BAZ2B: variants seen among roughly 807,000 people sequenced by gnomAD.
BAZ2B encodes bromodomain adjacent to zinc finger domain protein 2B.
BAZ2B carries 91 observed loss-of-function variants against 246.0 expected under a neutral mutation model. The ratio of observed to expected loss-of-function variants is 0.37; its 90% CI spans 0.31 to 0.44. The LOEUF is 0.44. Among genes scored for constraint, BAZ2B ranks in the 20% least tolerant of loss-of-function variants. The pLI is 1.00. For synonymous variants in BAZ2B, 855 were observed against 860.0 expected (o/e 0.99, Z 0.10); for missense variants, 2,332 against 2,533.7 (o/e 0.92, Z 1.71).
chr2:159,568,761 A>C lies in BAZ2B; in HGVS notation c.-45-12896T>G, dbSNP rs1683232757. On this transcript the variant is annotated intron_variant, in intron 1 of 36. Coordinates refer to ENST00000392783, the MANE Select transcript of BAZ2B (RefSeq NM_013450.4). ...ATTAATCAGATTCAATTAGTAGCTA[A>C]AGTGAAAATAACACTTCTGAGTTTC... is the stretch of plus-strand genomic sequence containing the variant. Among the ~76,000 whole-genome samples, 3 of 152,216 alleles carry C rather than the reference A, an allele frequency of 2.0e-5. No homozygotes were observed. In the South Asian group the frequency reaches 6.2e-4, roughly 31 times the overall value.
At chr2:159,487,700 A>G (rs1028834647) in intron 2 of BAZ2B, among the ~76,000 whole-genome samples, 1 of 152,118 alleles carries the variant, frequency 6.6e-6, no homozygotes, top group Non-Finnish European at 1.5e-5. Flanking sequence ...TCCCTTTCCA[A>G]GTTTCAACAA....
intron 13 of BAZ2B, among the ~76,000 whole-genome samples, chr2:159,421,725 G>A (rs1264345060): frequency 1.3e-5 from 2 of 151,866 alleles, no homozygotes; most frequent in Non-Finnish European, 2.9e-5. Flanking sequence ...ATCAAAAAAT[G>A]ATTAAGCAAA....
chr2:159,629,185 G>C, the BAZ2B span, among the ~76,000 whole-genome samples: 1 of 152,152 alleles, frequency 6.6e-6, no homozygotes, highest in Non-Finnish European at 1.5e-5. Flanking sequence ...CAGATGCTGG[G>C]GAGAATGTAG....
chr2:159,591,090 T>C (rs1689291626), intron 1 of BAZ2B, among the ~76,000 whole-genome samples: 1 of 152,180 alleles, frequency 6.6e-6, no homozygotes, highest in African/African-American at 2.4e-5. Context: ...TGACATGAAA[T>C]AATATCAAAT....
At chr2:159,338,703 A>G (rs4665060) in intron 31 of BAZ2B, among the ~76,000 whole-genome samples, 140,476 of 152,204 alleles carry the variant, frequency 0.92, 65,910 homozygotes, top group East Asian at 1. Flanking sequence ...CACAAACATG[A>G]GATAAGCTTT....
intron 1 of BAZ2B, among the ~76,000 whole-genome samples, chr2:159,585,940 CT>C: frequency 6.6e-6 from 1 of 152,156 alleles, no homozygotes; most frequent in East Asian, 1.9e-4. Flanking sequence ...TGACTTTTTT[CT>C]TTACATGTCT....
intron 3 of BAZ2B, among the ~76,000 whole-genome samples, chr2:159,477,328 T>A (rs555372854): frequency 5.5e-4 from 83 of 151,566 alleles, no homozygotes; most frequent in African/African-American, 8.9e-4. Flanking sequence ...AATTAAAAAA[T>A]ATATATATAT....
the BAZ2B span, among the ~76,000 whole-genome samples, chr2:159,640,116 A>T: frequency 6.6e-6 from 1 of 152,194 alleles, no homozygotes; most frequent in Non-Finnish European, 1.5e-5. Context: ...ACAGAAGTTC[A>T]TTACATAATC....
rs1577037028 is a variant in BAZ2B, at chr2:159,438,202, A to C, written c.1293+101T>G. Reference sequence around the variant, plus strand: ...TCCTGGAGACTAAGAAAGTATAAAAATGAAGGTAGAATTTAACTTAAACTT... The same window carrying C: ...TCCTGGAGACTAAGAAAGTATAAAACTGAAGGTAGAATTTAACTTAAACTT... On this transcript the variant is annotated intron_variant, in intron 8 of 36. Transcript: ENST00000392783. The C allele has an allele frequency of 5.5e-6, 6 of 1,095,246 alleles. No individual in the cohort carries two copies. The East Asian group carries it at 1.5e-4, about 28-fold the overall frequency. The allele number at this position is 1,095,246 out of a possible 1,614,324, so 67.8% of individuals were successfully genotyped here.
intron 3 of BAZ2B, chr2:159,461,624 A>G (rs1254054527): frequency 1.3e-5 from 2 of 152,630 alleles, no homozygotes; most frequent in Admixed American, 6.5e-5. Context: ...TTTATACTCT[A>G]TATCCACAGT....
chr2:159,368,672 A>G (rs972129315), intron 27 of BAZ2B, among the ~76,000 whole-genome samples: 2 of 152,172 alleles, frequency 1.3e-5, no homozygotes, highest in Non-Finnish European at 2.9e-5. Flanking sequence ...CTATTTATAT[A>G]TCACTTTGCA....
In BAZ2B at chr2:159,404,841, A is replaced by G; in HGVS notation, c.2832+8T>C. On this transcript the variant is annotated splice_region_variant and intron_variant, in intron 16 of 36. Coordinates refer to ENST00000392783, the MANE Select transcript of BAZ2B (RefSeq NM_013450.4). ...ATTTTAAAAGTCACTTCCAATGTAT[A>G]CACATACCTGCTGTTTCATAATCTT... 3.7e-6 allele frequency: 6 copies of G among 1,609,984 alleles called. No homozygotes were observed. Among genetic ancestry groups the G allele is most frequent in the Non-Finnish European group, 5.1e-6 (6 of 1,177,954 alleles).
chr2:159,367,507 A>T (rs2060343215), intron 27 of BAZ2B, among the ~76,000 whole-genome samples: 1 of 152,190 alleles, frequency 6.6e-6, no homozygotes, highest in African/African-American at 2.4e-5. Flanking sequence ...TATTATAAGA[A>T]TTTTTTAAAA....
the BAZ2B span, among the ~76,000 whole-genome samples, chr2:159,658,206 TTGA>T: frequency 5.9e-5 from 9 of 152,250 alleles, no homozygotes; most frequent in African/African-American, 2.2e-4. Context: ...CTTTAGCCAG[TTGA>T]TGTCATGAAT....
At chr2:159,354,641 G>A (rs930706914) in intron 27 of BAZ2B, among the ~76,000 whole-genome samples, 6 of 152,076 alleles carry the variant, frequency 3.9e-5, no homozygotes, top group South Asian at 2.1e-4. Flanking sequence ...GTGAGCCACC[G>A]CCTCTGGCTG....
At chr2:159,528,415 G>A (rs976335052) in intron 2 of BAZ2B, among the ~76,000 whole-genome samples, 1 of 152,188 alleles carries the variant, frequency 6.6e-6, no homozygotes, top group African/African-American at 2.4e-5. Context: ...AGGTGCAGTG[G>A]CTCATGCCTA....
Position 159,404,199 on chromosome 2 carries a change from A to T in BAZ2B, c.2832+650T>A, listed in dbSNP as rs76315362. 3.0e-4 allele frequency among the ~76,000 whole-genome samples: 45 copies of T among 152,290 alleles called. No individual in the cohort carries two copies. In the East Asian group the frequency reaches 7.9e-3, roughly 27 times the overall value. On this transcript the variant is annotated intron_variant, in intron 16 of 36. Transcript: ENST00000392783. ...CATGAATATGAGGAGATGGGAGAGT[A>T]GTTTACACATTCTCATCTTAAATGA...
chr2:159,462,446 T>A lies in BAZ2B; in HGVS notation c.146-8645A>T, dbSNP rs1038046365. On this transcript the variant is annotated intron_variant, in intron 3 of 36. Transcript: ENST00000392783. ...TTGTAGCTGAGTAATCTTGTTCCAGTCAATTTTGGTGCGGGTAACCGGAAG... is the reference window on the plus strand; with the variant it reads ...TTGTAGCTGAGTAATCTTGTTCCAGACAATTTTGGTGCGGGTAACCGGAAG... The A allele has an allele frequency of 2.5e-6, 3 of 1,217,112 alleles. No individual in the cohort carries two copies. The African/African-American group carries it at 4.5e-5, about 18-fold the overall frequency. The allele number at this position is 1,217,112 out of a possible 1,614,324, so 75.4% of individuals were successfully genotyped here. A position where few individuals can be genotyped will look rare whatever the true frequency, so the allele number is the denominator to read the frequency against.
downstream of BAZ2B, among the ~76,000 whole-genome samples, chr2:159,316,233 G>T (rs962084969): frequency 2.6e-5 from 4 of 151,820 alleles, no homozygotes; most frequent in Non-Finnish European, 5.9e-5. Context: ...ATTGAAGAAA[G>T]AAATTAATTA....
Sources: allele counts gnomAD v4.1 joint callset (sites outside exome capture counted in the v4.1 genomes callset), GRCh38; gene constraint gnomAD v4.1.1; transcripts MANE v1.5; gene names NCBI Gene and HGNC (gene_info 2026-07-23, HGNC 2026-07-21).